The following MORC4 variants were observed in gnomAD, a reference collection of about 807,000 sequenced individuals.
The protein encoded by MORC4 is MORC family CW-type zinc finger 4, also known as MORC family CW-type zinc finger protein 4.
Under a neutral mutation model 65.5 loss-of-function variants are expected in MORC4, and 22 were observed. The observed-to-expected ratio is 0.34, with a 90% CI of 0.24 to 0.48. The LOEUF is 0.48. Among genes scored for constraint, MORC4 ranks in the 20% least tolerant of loss-of-function variants. The pLI is 0.99. For missense variants in MORC4, 624 were observed against 703.0 expected (o/e 0.89, Z 1.27); for synonymous variants, 267 against 255.8 (o/e 1.04, Z -0.42).
At chrX:106,998,414 GA>G (rs891632662) in intron 2 of MORC4, among the ~76,000 whole-genome samples, 11 of 112,116 alleles carry the variant, frequency 9.8e-5, no homozygotes, top group African/African-American at 3.6e-4. Context: ...AAATCACCTG[GA>G]AAGTACAGTA....
At chrX:106,962,474 T>C (rs1436250232) in intron 9 of MORC4, among the ~76,000 whole-genome samples, 1 of 112,264 alleles carries the variant, frequency 8.9e-6, no homozygotes, top group African/African-American at 3.2e-5. Context: ...ATTGATAAGT[T>C]GATGGGGAGT....
chrX:106,999,960 A>C lies in MORC4; in HGVS notation c.10T>G (p.Tyr4Asp). The change falls in exon 1 of 17, where the codon TAC becomes GAC. Residue 4 changes from tyrosine to aspartate, a missense_variant. Physicochemically the swap from Tyr to Asp is radical, Grantham distance 160 (BLOSUM62 -3). Transcript: ENST00000355610. MLL[Y>D]RGAPAGPGAP... ...CCAGGGCCGGCGGGGGCCCCTCGGT[A>C]CAGGAGCATTTTTTTGGCCGCCACG... 17 of 848,690 alleles carry C rather than the reference A, an allele frequency of 2.0e-5. No individual in the cohort carries two copies. Among genetic ancestry groups the C allele is most frequent in the South Asian group, 5.1e-5 (1 of 19,770 alleles). 69.9% of individuals were successfully genotyped at this position (848,690 alleles called of 1,213,427 possible).
chrX:106,942,827 C>T lies in MORC4; in HGVS notation c.2064G>A (p.Lys688=). ...STTINKEEVN[K]GPFVAVVGVA... is the part of the protein sequence containing the mutation. ...CACCCACAACAGCTACAAAAGGTCC[C>T]TTGTTGACTTCTTCTTTGTTTATGG... The change falls in exon 15 of 17, where the codon AAG becomes AAA. Residue 688 remains lysine (K), a synonymous_variant. Transcript: ENST00000355610. 2 of 1,211,660 alleles carry T rather than the reference C, an allele frequency of 1.7e-6. No homozygotes were observed. Among genetic ancestry groups the T allele is most frequent in the South Asian group, 1.8e-5 (1 of 56,944 alleles).
At position 106,943,239 on chromosome X, in the gene MORC4, A is replaced by G. The variant is rs776533824; in HGVS notation, c.1686-34T>C. On this transcript the variant is annotated intron_variant, in intron 14 of 16. Transcript: ENST00000355610. ...AGAGGAAATTAAATTGTAAGCTGTC[A>G]GAGTACAAGTTAAGTATTTTCTGAT... is the stretch of plus-strand genomic sequence containing the variant. The G allele has an allele frequency of 3.0e-5, 33 of 1,083,949 alleles. No individual in the cohort carries two copies. In the Admixed American group the frequency reaches 7.6e-4, roughly 25 times the overall value. 89.3% of individuals were successfully genotyped at this position (1,083,949 alleles called of 1,213,427 possible). A position where few individuals can be genotyped will look rare whatever the true frequency, so the allele number is the denominator to read the frequency against.
chrX:106,958,221 G>T, intron 11 of MORC4, 115 bp downstream of exon 11: 1 of 704,023 alleles, frequency 1.4e-6, no homozygotes, highest in Non-Finnish European at 2.1e-6. Context: ...GGGTCAGTCA[G>T]CACAGGGCCT....
intron 12 of MORC4, among the ~76,000 whole-genome samples, 172 bp downstream of exon 12, chrX:106,956,764 T>C (rs768310699): frequency 8.2e-5 from 9 of 110,136 alleles, no homozygotes; most frequent in African/African-American, 3.0e-4. Context: ...AATCACTAGT[T>C]GAGACATTCA....
intron 9 of MORC4, among the ~76,000 whole-genome samples, chrX:106,973,255 A>G (rs150651339): frequency 2.2e-4 from 25 of 112,167 alleles, no homozygotes; most frequent in African/African-American, 7.8e-4. Context: ...ATATATAATT[A>G]GTATCCTATG....
At chrX:106,944,592 T>C (rs917410863) in intron 14 of MORC4, among the ~76,000 whole-genome samples, 2 of 111,289 alleles carry the variant, frequency 1.8e-5, no homozygotes, top group Non-Finnish European at 3.8e-5. Flanking sequence ...TTGGCTACAA[T>C]CTCTGGGCAA....
intron 14 of MORC4, among the ~76,000 whole-genome samples, chrX:106,946,186 C>T (rs1933823228): frequency 8.9e-6 from 1 of 111,744 alleles, no homozygotes; most frequent in South Asian, 3.7e-4. Context: ...GTGTAACCAT[C>T]ACCACAATCT....
intron 9 of MORC4, among the ~76,000 whole-genome samples, chrX:106,974,565 C>T (rs1458897652): frequency 3.6e-5 from 4 of 112,009 alleles, no homozygotes; most frequent in Non-Finnish European, 1.9e-5. Flanking sequence ...TAACATACTA[C>T]TTAGGTTTTG....
intron 14 of MORC4, among the ~76,000 whole-genome samples, chrX:106,949,775 C>A (rs1200270682): frequency 8.9e-6 from 1 of 112,220 alleles, no homozygotes; most frequent in Non-Finnish European, 1.9e-5. Context: ...TGAGTGTGTG[C>A]GAGACTTGGA....
intron 7 of MORC4, among the ~76,000 whole-genome samples, chrX:106,980,470 C>T (rs756186399): frequency 1.3e-4 from 14 of 111,699 alleles, no homozygotes; most frequent in Middle Eastern, 4.6e-3. Context: ...ACGTTCTAGT[C>T]AGTATTTTGC....
chrX:106,968,676 G>A (rs1168654750), intron 9 of MORC4, among the ~76,000 whole-genome samples: 8 of 102,756 alleles, frequency 7.8e-5, no homozygotes, highest in Non-Finnish European at 1.4e-4. Context: ...AGCAGGGGTT[G>A]CAATCTTGGT....
intron 11 of MORC4, among the ~76,000 whole-genome samples, chrX:106,958,062 G>C (rs1214242037): frequency 8.9e-6 from 1 of 112,209 alleles, no homozygotes; most frequent in African/African-American, 3.2e-5. Context: ...AATGCAGAAA[G>C]TCATTGCAAG....
At chrX:106,954,506 T>C (rs1274593962) in intron 14 of MORC4, among the ~76,000 whole-genome samples, 1 of 112,435 alleles carries the variant, frequency 8.9e-6, no homozygotes, top group Non-Finnish European at 1.9e-5. Flanking sequence ...GTGGTCAACA[T>C]GTGCTAGGCC....
intron 3 of MORC4, among the ~76,000 whole-genome samples, chrX:106,987,622 C>T (rs1275865677): frequency 9.0e-6 from 1 of 111,615 alleles, no homozygotes; most frequent in Non-Finnish European, 1.9e-5. Flanking sequence ...ACTGAGCAGG[C>T]TGATCTTTAA....
chrX:107,000,007 A>AC lies in MORC4; in HGVS notation c.-39dup, dbSNP rs767143595. ...CACGGTACCCGTCTGCTGCCGCCGG[A>AC]CCCCTGGCCCGGCGGTCCGGGACTA... On this transcript the variant is annotated 5_prime_UTR_variant, in exon 1 of 17. Transcript: ENST00000355610. 267 of 664,956 alleles carry AC rather than the reference A, an allele frequency of 4.0e-4. 1 individual carries two copies. The African/African-American group carries it at 5.9e-3, about 15-fold the overall frequency. The allele number at this position is 664,956 out of a possible 1,213,427, so 54.8% of individuals were successfully genotyped here.
Position 106,978,094 on chromosome X carries a change from C to G in MORC4, c.1042G>C (p.Gly348Arg). The G allele has an allele frequency of 8.3e-7, 1 of 1,209,055 alleles. No individual in the cohort carries two copies. The highest frequency in any genetic ancestry group is 1.1e-6 in the Non-Finnish European group (1 of 893,747). The change falls in exon 8 of 17, where the codon GGG becomes CGG. Residue 348 changes from glycine (G) to arginine (R), a missense_variant. Transcript: ENST00000355610. ...TAACTACTCACCTTCACCTGGCACC[C>G]CACCTTCTCAAAAGATTTTATGAGT... ...NRLIKSFEKV[G>R]CQVKPTRGEG... is the part of the protein sequence containing the mutation.
chrX:106,993,921 TA>T (rs769356525), intron 2 of MORC4, among the ~76,000 whole-genome samples: 10 of 112,553 alleles, frequency 8.9e-5, no homozygotes, highest in Non-Finnish European at 1.9e-4. Context: ...GGTTAGAGTT[TA>T]AAATCAAAAG....
Sources: allele counts gnomAD v4.1 joint callset (sites outside exome capture counted in the v4.1 genomes callset), GRCh38; gene constraint gnomAD v4.1.1; transcripts MANE v1.5; gene names NCBI Gene and HGNC (gene_info 2026-07-23, HGNC 2026-07-21).